Variants in DNAH2 observed in about 807,000 individuals in gnomAD.
DNAH2 encodes the protein dynein axonemal heavy chain 2, also known as axonemal beta dynein heavy chain 2.
Under a neutral mutation model 523.5 loss-of-function variants are expected in DNAH2, and 323 were observed. That is an observed-to-expected ratio of 0.62 (90% CI 0.56 to 0.68). The LOEUF (loss-of-function observed/expected upper bound fraction) is 0.68. DNAH2 is among the 30% of genes least tolerant of loss of function. The pLI is 0.00. For missense variants in DNAH2, 4,907 were observed against 5,701.5 expected, an observed-to-expected ratio of 0.86 and a Z score of 4.49; for synonymous variants, 2,093 against 2,177.4, an observed-to-expected ratio of 0.96 and a Z score of 1.08.
At chr17:7,783,166 C>T (rs2076646369) in intron 39 of DNAH2, among the ~76,000 whole-genome samples, 2 of 152,162 alleles carry the variant, frequency 1.3e-5, no homozygotes, top group South Asian at 2.1e-4. Flanking sequence ...CAACCTCCGC[C>T]TCCCAGGTTC....
At position 7,757,152 on chromosome 17, in the gene DNAH2, C is replaced by T. The variant is rs1217829151; in HGVS notation, c.1966C>T (p.His656Tyr). 6.2e-7 allele frequency: 1 copy of T among 1,614,200 alleles called. No individual in the cohort carries two copies. The highest frequency in any genetic ancestry group is 1.6e-4 in the Middle Eastern group (1 of 6,062). Reference protein sequence around the residue: ...YWERLLFETPHYVVNVAERAE... With the variant: ...YWERLLFETPYYVVNVAERAE... ...GGAGCGGCTGCTGTTTGAGACGCCC[C>T]ATTACGTGGTGAACGTAGCTGAGCG... The change falls in exon 13 of 86, where the codon CAT (histidine) becomes TAT (tyrosine). Residue 656 changes from histidine (H) to tyrosine (Y), a missense_variant. His to Tyr is a moderately conservative substitution (Grantham distance 83). Around this residue, in one of 3 missense-constraint regions of DNAH2, gnomAD observed 2,806 missense variants for 3,190.8 expected, o/e 0.88. Coordinates refer to ENST00000572933, the MANE Select transcript of DNAH2 (RefSeq NM_020877.5).
At position 7,831,113 on chromosome 17, in the gene DNAH2, C is replaced by T. The variant is rs776231578; in HGVS notation, c.12258C>T (p.Ile4086=). The change falls in exon 80 of 86, where the codon ATC becomes ATT. Residue 4086 remains isoleucine (I), a synonymous_variant. Transcript: ENST00000572933. The surrounding 1 kb of genome is among the most constrained non-coding windows in gnomAD (Gnocchi z 4.2). ...HRLSALETYF[I]PKDGSLASYK... is the part of the protein sequence containing the mutation. ...TGTCAGCACTGGAGACTTATTTCAT[C>T]CCCAAGGATGGCAGCCTCGCTTCTT... 3 of 1,613,856 alleles carry T rather than the reference C, an allele frequency of 1.9e-6. No homozygotes were observed. Among genetic ancestry groups the T allele is most frequent in the South Asian group, 2.2e-5 (2 of 91,068 alleles).
At position 7,833,057 on chromosome 17, in the gene DNAH2, C is replaced by G; in HGVS notation, c.12979-14C>G. 6.2e-7 allele frequency: 1 copy of G among 1,613,284 alleles called. No homozygotes were observed. The highest frequency in any genetic ancestry group is 1.1e-5 in the South Asian group (1 of 91,074). ...AGTCTAGCTTCTCCCAGACCTGCTC[C>G]CATTTCTCCCCAGGATGGTGTCTGG... is the stretch of plus-strand genomic sequence containing the variant. On this transcript the variant is annotated splice_polypyrimidine_tract_variant and intron_variant, in intron 84 of 85. Transcript: ENST00000572933.
Position 7,798,575 on chromosome 17 carries a change from C to T in DNAH2, c.8416C>T (p.Arg2806Cys), listed in dbSNP as rs1195835191. 20 of 1,614,080 alleles carry T rather than the reference C, an allele frequency of 1.2e-5. No homozygotes were observed. Among genetic ancestry groups the T allele is most frequent in the Middle Eastern group, 1.7e-4 (1 of 6,044 alleles). ...CCGGCCAGATATCAAGCGTCTGTAT[C>T]GCCAGGCTGGGGTGGAGCTCAAGAC... ...EFRDDIKRLY[R>C]QAGVELKTTS... The change falls in exon 55 of 86, where the codon CGC (arginine) becomes TGC (cysteine). Residue 2806 changes from arginine to cysteine, a missense_variant. Arg to Cys is a radical substitution (Grantham distance 180). Around this residue, in one of 3 missense-constraint regions of DNAH2, gnomAD observed 1,851 missense variants for 2,139.4 expected, o/e 0.87. Coordinates refer to ENST00000572933, the MANE Select transcript of DNAH2 (RefSeq NM_020877.5). This position sits in a 1 kb window ranked among gnomAD's most constrained non-coding sequence, Gnocchi z 5.5.
intron 44 of DNAH2, among the ~76,000 whole-genome samples, chr17:7,789,060 A>G (rs1994911): frequency 0.48 from 73,338 of 152,026 alleles, 19,661 homozygotes; most frequent in Non-Finnish European, 0.59. Context: ...GTTACTTGGG[A>G]GGCTGAGACA....
chr17:7,757,021 C>T (rs2075860026), intron 12 of DNAH2, 70 bp from the exon 13 acceptor site: 2 of 1,595,470 alleles, frequency 1.3e-6, no homozygotes. Context: ...AGCCTCTCCA[C>T]CTGTTCGATT....
chr17:7,727,043 C>G, intron 3 of DNAH2, 79 bp from the exon 4 acceptor site: 1 of 1,447,820 alleles, frequency 6.9e-7, no homozygotes, highest in Non-Finnish European at 9.1e-7. Flanking sequence ...CTCCCATGTC[C>G]TCACTTGTGA....
intron 12 of DNAH2, among the ~76,000 whole-genome samples, chr17:7,750,441 TC>T (rs1311244216): frequency 6.6e-6 from 1 of 152,222 alleles, no homozygotes; most frequent in Non-Finnish European, 1.5e-5. Context: ...TTTGTCTTCC[TC>T]TTTTTTGGTT....
intron 61 of DNAH2, 151 bp downstream of exon 61, chr17:7,805,544 A>C: frequency 2.5e-6 from 3 of 1,209,382 alleles, no homozygotes; most frequent in Non-Finnish European, 3.4e-6. Flanking sequence ...GACCGCATGA[A>C]TATCAGTTAA....
In DNAH2 at chr17:7,757,123, A is replaced by C; in HGVS notation, c.1937A>C (p.Tyr646Ser). ...CTGATTCTCTTTGCGGAAATTGACT[A>C]CTGGGAGCGGCTGCTGTTTGAGACG... Reference protein sequence around the residue: ...SLLILFAEIDYWERLLFETPH... With the variant: ...SLLILFAEIDSWERLLFETPH... The change falls in exon 13 of 86, where the codon TAC becomes TCC. Residue 646 changes from tyrosine (Y) to serine (S), a missense_variant. This residue lies in a region of DNAH2 where 2,806 missense variants were observed against 3,190.8 expected (regional missense o/e 0.88). Transcript: ENST00000572933. 1 of 1,614,066 alleles carries C rather than the reference A, an allele frequency of 6.2e-7. No individual in the cohort carries two copies. Among genetic ancestry groups the C allele is most frequent in the Non-Finnish European group, 8.5e-7 (1 of 1,180,000 alleles).
At chr17:7,736,130 C>T (rs2075135699) in intron 7 of DNAH2, among the ~76,000 whole-genome samples, 1 of 152,072 alleles carries the variant, frequency 6.6e-6, no homozygotes, top group Non-Finnish European at 1.5e-5. Flanking sequence ...GATCCTCGGC[C>T]TCCCAAAGTG....
At chr17:7,805,449 T>C (rs1196722910) in intron 61 of DNAH2, 56 bp downstream of exon 61, 1 of 1,608,838 alleles carries the variant, frequency 6.2e-7, no homozygotes, top group Admixed American at 1.7e-5. Flanking sequence ...TTATTGATCG[T>C]CGGCTGTGCA....
Position 7,810,103 on chromosome 17 carries a change from G to A in DNAH2, c.9729+2517G>A, listed in dbSNP as rs148367001. Among the ~76,000 whole-genome samples the A allele has an allele frequency of 4.3e-4, 58 of 135,376 alleles. No homozygotes were observed. In the East Asian group the frequency reaches 8.4e-3, roughly 20 times the overall value. 88.8% of individuals were successfully genotyped at this position (135,376 alleles called of 152,430 possible). ...TTTTGAGACAGGATCTCACTCTGTC[G>A]CCCAGACTGGAATGCAGTGGCGCAA... On this transcript the variant is annotated intron_variant, in intron 63 of 85. Coordinates refer to ENST00000572933, the MANE Select transcript of DNAH2 (RefSeq NM_020877.5).
intron 2 of DNAH2, among the ~76,000 whole-genome samples, chr17:7,722,248 A>G (rs1225363158): frequency 6.6e-6 from 1 of 151,732 alleles, no homozygotes; most frequent in African/African-American, 2.4e-5. Flanking sequence ...CGGGCGATCC[A>G]CCAGCCTCAG....
At chr17:7,777,703 T>C in intron 33 of DNAH2, 69 bp downstream of exon 33, 3 of 1,576,334 alleles carry the variant, frequency 1.9e-6, no homozygotes, top group Non-Finnish European at 2.6e-6. Flanking sequence ...TGCATCCATG[T>C]TCTGTAAATG....
chr17:7,780,986 G>A lies in DNAH2; in HGVS notation c.6004-56G>A. The A allele has an allele frequency of 6.2e-7, 1 of 1,611,986 alleles. No individual in the cohort carries two copies. The highest frequency in any genetic ancestry group is 1.7e-5 in the Admixed American group (1 of 60,014). ...GCACGTGCCCCGAAGCCCTTTGGAG[G>A]TGAAAGGCCTAGGCCCTGCCTCCTC... On this transcript the variant is annotated intron_variant, in intron 38 of 85. Transcript: ENST00000572933. This position sits in a 1 kb window ranked among gnomAD's most constrained non-coding sequence, Gnocchi z 4.4.
chr17:7,776,912 T>C, intron 32 of DNAH2, 23 bp downstream of exon 32: 4 of 1,583,284 alleles, frequency 2.5e-6, no homozygotes, highest in Non-Finnish European at 3.5e-6. Context: ...GCGCACTGGC[T>C]CATGCTTGTA....
In DNAH2 at chr17:7,778,300, C is replaced by T. The variant is rs771179574; in HGVS notation, c.5372C>T (p.Thr1791Met). ...CTCAGGTGTTACATGACACTGACCACGGCATTGCACCTGCACCGAGGGGGC... is the reference window on the plus strand; with the variant it reads ...CTCAGGTGTTACATGACACTGACCATGGCATTGCACCTGCACCGAGGGGGC... Reference protein sequence around the residue: ...LTDRCYMTLTTALHLHRGGSP... With the variant: ...LTDRCYMTLTMALHLHRGGSP... Residue 1791 changes from threonine (T) to methionine (M), a missense_variant, in exon 35 of 86, where the codon ACG becomes ATG. By Grantham distance (81) the Thr-to-Met change is moderately conservative. Coordinates refer to ENST00000572933, the MANE Select transcript of DNAH2 (RefSeq NM_020877.5). The T allele has an allele frequency of 7.1e-5, 114 of 1,614,030 alleles. 1 individual carries two copies. Among genetic ancestry groups the T allele is most frequent in the Non-Finnish European group, 8.6e-5 (102 of 1,180,010 alleles).
intron 9 of DNAH2, 73 bp downstream of exon 9, chr17:7,740,011 G>T: frequency 7.1e-7 from 1 of 1,410,754 alleles, no homozygotes; most frequent in African/African-American, 1.5e-5. Context: ...GGGAGGAGTG[G>T]CGAGAGTATG....
Sources: allele counts gnomAD v4.1 joint callset (sites outside exome capture counted in the v4.1 genomes callset), GRCh38; gene constraint gnomAD v4.1.1; regional missense constraint gnomAD v4.1.1; non-coding constraint Gnocchi (gnomAD v3.1); transcripts MANE v1.5; gene names NCBI Gene and HGNC (gene_info 2026-07-23, HGNC 2026-07-21).